Variants in RNF220 observed in about 807,000 individuals in gnomAD.
The protein encoded by RNF220 is ring finger protein 220, also known as E3 ubiquitin-protein ligase RNF220.
A neutral mutation model predicts 67.1 loss-of-function variants in RNF220; 7 were observed. That is an observed-to-expected ratio of 0.10 (90% CI 0.06 to 0.20). RNF220 has a LOEUF of 0.20. RNF220 is among the 10% of genes least tolerant of loss of function. The pLI, the probability that RNF220 is intolerant of heterozygous loss-of-function variation, is 1.00. For missense variants in RNF220, 565 were observed against 740.3 expected (o/e 0.76, Z 2.75); for synonymous variants, 270 against 283.2 (o/e 0.95, Z 0.47).
At chr1:44,549,368 C>T (rs926700990) in intron 2 of RNF220, among the ~76,000 whole-genome samples, 6 of 152,196 alleles carry the variant, frequency 3.9e-5, no homozygotes, top group African/African-American at 1.4e-4. Context: ...GGAGGCAGAG[C>T]GCACATGAGG....
chr1:44,632,402 C>CCCCCA lies in RNF220; in HGVS notation c.949+19_949+20insCCACC. ...GACTGAATGGTGAGTCCTGCCCGGC[C>CCCCCA]CCTCCCTCCGCCCCACCCCCGGCCT... On this transcript the variant is annotated intron_variant, in intron 6 of 14. Coordinates refer to ENST00000361799, the MANE Select transcript of RNF220 (RefSeq NM_018150.4). 2 of 1,607,474 alleles carry CCCCCA rather than the reference C, an allele frequency of 1.2e-6. No homozygotes were observed. The highest frequency in any genetic ancestry group is 1.7e-6 in the Non-Finnish European group (2 of 1,177,388).
At chr1:44,625,038 AGAGAG>A (rs1643898999) in intron 4 of RNF220, among the ~76,000 whole-genome samples, 1 of 151,650 alleles carries the variant, frequency 6.6e-6, no homozygotes, top group African/African-American at 2.4e-5. Flanking sequence ...AGAGAGAGAG[AGAGAG>A]AGAGAGAGAG....
chr1:44,549,267 A>C (rs1235238020), intron 2 of RNF220, among the ~76,000 whole-genome samples: 1 of 152,202 alleles, frequency 6.6e-6, no homozygotes, highest in African/African-American at 2.4e-5. Context: ...TTTCCCAACT[A>C]TTCATTTCAT....
intron 2 of RNF220, among the ~76,000 whole-genome samples, chr1:44,509,778 T>C (rs1658790425): frequency 6.8e-6 from 1 of 147,666 alleles, no homozygotes; most frequent in Non-Finnish European, 1.5e-5. Flanking sequence ...TCCCAGCTAC[T>C]TTGGAGGCTA....
intron 3 of RNF220, among the ~76,000 whole-genome samples, chr1:44,615,329 C>T (rs569594647): frequency 2.5e-4 from 38 of 152,228 alleles, no homozygotes; most frequent in Non-Finnish European, 4.1e-4. Context: ...ATTAGACCAC[C>T]CAGAATTCAA....
At chr1:44,578,229 A>C (rs1572934327) in intron 2 of RNF220, among the ~76,000 whole-genome samples, 1 of 143,724 alleles carries the variant, frequency 7.0e-6, no homozygotes, top group African/African-American at 2.6e-5. Flanking sequence ...GCTCTCTGCA[A>C]CCTCCACCTG....
chr1:44,641,954 A>C (rs1382536267), intron 8 of RNF220, among the ~76,000 whole-genome samples: 3 of 152,246 alleles, frequency 2.0e-5, no homozygotes, highest in Non-Finnish European at 4.4e-5. Context: ...GGGATCTGAT[A>C]AGGAAAGTTG....
chr1:44,548,588 G>A (rs993939115), intron 2 of RNF220, among the ~76,000 whole-genome samples: 1 of 152,066 alleles, frequency 6.6e-6, no homozygotes, highest in Non-Finnish European at 1.5e-5. Flanking sequence ...CGACCTCCAG[G>A]ACTCAAGCAA....
At chr1:44,451,575 A>G (rs1033532535) in intron 2 of RNF220, among the ~76,000 whole-genome samples, 2 of 151,716 alleles carry the variant, frequency 1.3e-5, no homozygotes, top group Middle Eastern at 6.8e-3. Flanking sequence ...CTTTATTTAC[A>G]TTGTCTTAAA....
intron 2 of RNF220, among the ~76,000 whole-genome samples, chr1:44,553,310 C>T (rs576567872): frequency 2.0e-5 from 3 of 152,182 alleles, no homozygotes; most frequent in African/African-American, 7.2e-5. Flanking sequence ...TTGTGGTATC[C>T]ATGGTGACTA....
chr1:44,547,776 C>T (rs1558032192), intron 2 of RNF220, among the ~76,000 whole-genome samples: 1 of 152,102 alleles, frequency 6.6e-6, no homozygotes, highest in Non-Finnish European at 1.5e-5. Flanking sequence ...AAATTCAATC[C>T]GCCATGTAGC....
At chr1:44,633,267 A>C (rs1242339098) in intron 6 of RNF220, among the ~76,000 whole-genome samples, 1 of 152,200 alleles carries the variant, frequency 6.6e-6, no homozygotes, top group African/African-American at 2.4e-5. Flanking sequence ...ACCTTTTGTG[A>C]ATAAGAAAAC....
chr1:44,536,363 TG>T (rs1335203522), intron 2 of RNF220, among the ~76,000 whole-genome samples: 4 of 152,204 alleles, frequency 2.6e-5, no homozygotes, highest in Admixed American at 2.6e-4. Flanking sequence ...GGTGAAACAT[TG>T]CTTTGAACTG....
rs72895508 is a variant in RNF220 at position 44,472,890 on chromosome 1, T to C, written c.625+60168T>C. Among the ~76,000 whole-genome samples, 1,306 of 152,310 alleles carry C rather than the reference T, an allele frequency of 8.6e-3. 18 individuals are homozygous for C. The highest frequency in any genetic ancestry group is 0.03 in the African/African-American group (1,255 of 41,556). On this transcript the variant is annotated intron_variant, in intron 2 of 14. Coordinates refer to ENST00000361799, the MANE Select transcript of RNF220 (RefSeq NM_018150.4). ...GCGTGCCTGTGGCTCCCTGCCACCT[T>C]GCCTTTCTCCCTCTGATCCTTCTTG...
chr1:44,468,825 G>A (rs922839940), intron 2 of RNF220, among the ~76,000 whole-genome samples: 11 of 152,052 alleles, frequency 7.2e-5, no homozygotes, highest in Non-Finnish European at 1.0e-4. Context: ...GCTGAGGCAC[G>A]AGAATTGCTT....
At chr1:44,494,170 C>T (rs2148061103) in intron 2 of RNF220, among the ~76,000 whole-genome samples, 1 of 143,464 alleles carries the variant, frequency 7.0e-6, no homozygotes, top group East Asian at 2.1e-4. Context: ...CACACCATTG[C>T]ACTCCAGCCT....
intron 2 of RNF220, among the ~76,000 whole-genome samples, chr1:44,489,628 A>G (rs921438383): frequency 6.6e-6 from 1 of 152,264 alleles, no homozygotes; most frequent in Non-Finnish European, 1.5e-5. Flanking sequence ...TTCAGCACGA[A>G]AAAGCAAAAG....
chr1:44,450,365 C>CA lies in RNF220; in HGVS notation c.625+37653dup, dbSNP rs979333121. On this transcript the variant is annotated intron_variant, in intron 2 of 14. Coordinates refer to ENST00000361799, the MANE Select transcript of RNF220 (RefSeq NM_018150.4). ...GTAAAACATAAATTCATGCCCATTG[C>CA]AAAAAAAAAATAAATTACAGAAATA... Among the ~76,000 whole-genome samples, 126 of 146,556 alleles carry CA rather than the reference C, an allele frequency of 8.6e-4. 1 individual carries two copies. The East Asian group carries it at 8.7e-3, about 10-fold the overall frequency.
chr1:44,499,913 A>C (rs929370876), intron 2 of RNF220, among the ~76,000 whole-genome samples: 2 of 151,070 alleles, frequency 1.3e-5, no homozygotes, highest in Admixed American at 1.3e-4. Flanking sequence ...AAAACATTGA[A>C]GTTATCCTGG....
Sources: allele counts gnomAD v4.1 joint callset (sites outside exome capture counted in the v4.1 genomes callset), GRCh38; gene constraint gnomAD v4.1.1; transcripts MANE v1.5; gene names NCBI Gene and HGNC (gene_info 2026-07-23, HGNC 2026-07-21).